Variants in SYNPR observed in about 807,000 individuals in gnomAD.
SYNPR encodes the protein synaptoporin.
In SYNPR, 23 loss-of-function variants were observed where a neutral mutation model predicts 32.9. The ratio of observed to expected loss-of-function variants is 0.70; its 90% CI spans 0.50 to 0.99. The LOEUF (loss-of-function observed/expected upper bound fraction) is 0.99, where lower values mean the gene tolerates loss of function less well. SYNPR is among the 50% of genes least tolerant of loss of function. The pLI, the probability that SYNPR is intolerant of heterozygous loss-of-function variation, is 0.00. For missense variants in SYNPR, 318 were observed against 349.3 expected, an observed-to-expected ratio of 0.91 and a Z score of 0.71; for synonymous variants, 146 against 135.9, an observed-to-expected ratio of 1.07 and a Z score of -0.52.
At chr3:63,223,661 TCCAAGAAC>T (rs1413265422), upstream of SYNPR, among the ~76,000 whole-genome samples, 1 of 152,188 alleles carries the variant, frequency 6.6e-6, no homozygotes. Context: ...GTTGCTTACA[TCCAAGAAC>T]CTGACTAGCA....
At chr3:63,364,402 G>C (rs948948313) in intron 2 of SYNPR, among the ~76,000 whole-genome samples, 11 of 152,126 alleles carry the variant, frequency 7.2e-5, no homozygotes, top group African/African-American at 2.4e-4. Context: ...TACTCAAATA[G>C]ATAGAGTGCT....
At chr3:63,602,293 GT>G (rs1305463014) in intron 4 of SYNPR, among the ~76,000 whole-genome samples, 5 of 149,926 alleles carry the variant, frequency 3.3e-5, no homozygotes. Flanking sequence ...CATTTTGTAA[GT>G]TTTCTGTTTA....
intron 2 of SYNPR, among the ~76,000 whole-genome samples, chr3:63,288,479 G>C (rs555272380): frequency 6.6e-6 from 1 of 152,316 alleles, no homozygotes; most frequent in Middle Eastern, 3.4e-3. Context: ...TTAGGGGATA[G>C]CTGAGTGGAT....
chr3:63,296,874 C>T (rs1291198911), intron 2 of SYNPR, among the ~76,000 whole-genome samples: 1 of 152,090 alleles, frequency 6.6e-6, no homozygotes. Flanking sequence ...GAACATTGTG[C>T]AATCATAGAA....
intron 2 of SYNPR, among the ~76,000 whole-genome samples, chr3:63,416,542 AAAAAAAAAAACC>A (rs1575633176): frequency 6.7e-6 from 1 of 149,110 alleles, no homozygotes; most frequent in East Asian, 1.9e-4. Flanking sequence ...AAAAAAAAAA[AAAAAAAAAAACC>A]AAAAAAAAAC....
chr3:63,577,811 T>C (rs1280100210), intron 4 of SYNPR, among the ~76,000 whole-genome samples: 1 of 152,168 alleles, frequency 6.6e-6, no homozygotes, highest in Non-Finnish European at 1.5e-5. Flanking sequence ...CATGATGAAT[T>C]CTAAGTCACT....
intron 2 of SYNPR, among the ~76,000 whole-genome samples, chr3:63,315,888 C>T (rs1293446094): frequency 2.0e-5 from 3 of 151,946 alleles, no homozygotes; most frequent in East Asian, 1.9e-4. Context: ...TCATCAATGG[C>T]TTTTATTACA....
Position 63,506,894 on chromosome 3 carries a change from C to T in SYNPR, c.209+25938C>T, listed in dbSNP as rs577981298. 2.0e-5 allele frequency among the ~76,000 whole-genome samples: 3 copies of T among 152,116 alleles called. No homozygotes were observed. The East Asian group carries it at 5.8e-4, about 29-fold the overall frequency. The stretch of plus-strand genomic sequence containing the variant: ...TGGCTTTATATGTGATGAGTTGATA[C>T]CAAATAGACTGCAGACTCAAACACC... On this transcript the variant is annotated intron_variant, in intron 3 of 5. Coordinates refer to ENST00000478300, the MANE Select transcript of SYNPR (RefSeq NM_001130003.2).
upstream of SYNPR, among the ~76,000 whole-genome samples, chr3:63,226,576 T>C (rs1467839823): frequency 6.6e-6 from 1 of 152,162 alleles, no homozygotes; most frequent in South Asian, 2.1e-4. Flanking sequence ...TGGAGGTCAT[T>C]ATATTAAGTG....
intron 4 of SYNPR, among the ~76,000 whole-genome samples, chr3:63,575,819 G>A (rs1056052937): frequency 6.6e-6 from 1 of 152,104 alleles, no homozygotes; most frequent in East Asian, 1.9e-4. Flanking sequence ...GTGGTTTATG[G>A]CTTTTCCAAG....
intron 1 of SYNPR, among the ~76,000 whole-genome samples, chr3:63,240,582 G>A (rs903924688): frequency 3.3e-5 from 5 of 152,064 alleles, no homozygotes; most frequent in Non-Finnish European, 5.9e-5. Flanking sequence ...CGAGAGGATT[G>A]ATAAATGACA....
intron 2 of SYNPR, among the ~76,000 whole-genome samples, chr3:63,430,873 G>C (rs1377316835): frequency 1.3e-5 from 2 of 152,166 alleles, no homozygotes; most frequent in Non-Finnish European, 2.9e-5. Flanking sequence ...AGCTGGAAAA[G>C]TAAGTGTTCC....
chr3:63,584,285 T>C (rs1219943421), intron 4 of SYNPR, among the ~76,000 whole-genome samples: 1 of 152,084 alleles, frequency 6.6e-6, no homozygotes, highest in East Asian at 1.9e-4. Flanking sequence ...TTATGGTAGA[T>C]GTGGAAAGCA....
At chr3:63,547,341 C>G (rs529866735) in intron 3 of SYNPR, among the ~76,000 whole-genome samples, 2 of 152,170 alleles carry the variant, frequency 1.3e-5, no homozygotes, top group African/African-American at 4.8e-5. Context: ...CAGTTCTCAC[C>G]ATGATGTGCA....
intron 3 of SYNPR, among the ~76,000 whole-genome samples, chr3:63,533,733 A>G (rs553298541): frequency 4.6e-5 from 7 of 152,148 alleles, no homozygotes; most frequent in Non-Finnish European, 4.4e-5. Flanking sequence ...ATTCAACTCA[A>G]CCAGCCATGC....
At chr3:63,519,888 A>G (rs1339264451) in intron 3 of SYNPR, among the ~76,000 whole-genome samples, 3 of 152,232 alleles carry the variant, frequency 2.0e-5, no homozygotes, top group South Asian at 2.1e-4. Flanking sequence ...GAAAGTATAA[A>G]TTATCATAAT....
At chr3:63,353,088 CAATCTGGAGAGCAACTCCATTCCAGG>C (rs2087531887) in intron 2 of SYNPR, among the ~76,000 whole-genome samples, 5 of 152,194 alleles carry the variant, frequency 3.3e-5, no homozygotes, top group Admixed American at 6.5e-5. Flanking sequence ...CAAGACACTG[CAATCTGGAGAGCAACTCCATTCCAGG>C]TTCTTTGTCT....
intron 2 of SYNPR, among the ~76,000 whole-genome samples, chr3:63,347,599 C>G (rs2087453776): frequency 1.3e-5 from 2 of 152,040 alleles, no homozygotes; most frequent in Admixed American, 1.3e-4. Context: ...GTACATTGTA[C>G]CTATTAAATA....
intron 3 of SYNPR, among the ~76,000 whole-genome samples, chr3:63,482,202 T>C (rs1701062572): frequency 6.6e-6 from 1 of 152,168 alleles, no homozygotes; most frequent in Admixed American, 6.5e-5. Flanking sequence ...GCACTGGGCT[T>C]CTTTAATTTC....
Sources: allele counts gnomAD v4.1 joint callset (sites outside exome capture counted in the v4.1 genomes callset), GRCh38; gene constraint gnomAD v4.1.1; transcripts MANE v1.5; gene names NCBI Gene and HGNC (gene_info 2026-07-23, HGNC 2026-07-21).